The following LRP1 variants were observed in gnomAD, a reference collection of about 807,000 sequenced individuals.
LRP1 encodes the protein LDL receptor related protein 1, also known as prolow-density lipoprotein receptor-related protein 1.
A neutral mutation model predicts 541.5 loss-of-function variants in LRP1; 51 were observed. The observed-to-expected ratio is 0.09, with a 90% confidence interval of 0.08 to 0.12. The LOEUF (loss-of-function observed/expected upper bound fraction) is 0.12. Among genes scored for constraint, LRP1 ranks in the 10% least tolerant of loss-of-function variants. LRP1 has a pLI of 1.00. For missense variants in LRP1, 3,878 were observed against 6,376.2 expected (o/e 0.61, Z 13.34); for synonymous variants, 2,219 against 2,470.8 (o/e 0.90, Z 3.02).
At chr12:57,133,236 A>C (rs990832619) in intron 1 of LRP1, among the ~76,000 whole-genome samples, 5 of 151,508 alleles carry the variant, frequency 3.3e-5, no homozygotes, top group African/African-American at 1.2e-4. Flanking sequence ...GAGGAGGCTT[A>C]GAAATGCCTG....
In LRP1 at chr12:57,173,317, G is replaced by A. The variant is rs779702143; in HGVS notation, c.3313G>A (p.Asp1105Asn). 3.1e-6 allele frequency: 5 copies of A among 1,613,798 alleles called. No homozygotes were observed. Among genetic ancestry groups the A allele is most frequent in the African/African-American group, 2.7e-5 (2 of 74,930 alleles). Residue 1105 changes from aspartate (D) to asparagine (N), a missense_variant, in exon 21 of 89, where the codon GAT becomes AAT. Asp to Asn is a conservative substitution (Grantham distance 23, BLOSUM62 1). Around this residue, in one of 13 missense-constraint regions of LRP1, gnomAD observed 320 missense variants for 547.9 expected, o/e 0.58. Transcript: ENST00000243077. This position sits in a 1 kb window ranked among gnomAD's most constrained non-coding sequence, Gnocchi z 4.7. ...KSCEGVTHVC[D>N]PSVKFGCKDS... is the part of the protein sequence containing the mutation. ...CTGTGAGGGAGTGACCCACGTCTGC[G>A]ATCCCAGTGTCAAGTTTGGCTGCAA...
chr12:57,195,447 T>G lies in LRP1; in HGVS notation c.8437+48T>G, dbSNP rs777762207. 3 of 1,593,296 alleles carry G rather than the reference T, an allele frequency of 1.9e-6. No individual in the cohort carries two copies. In the South Asian group the frequency reaches 3.3e-5, roughly 18 times the overall value. On this transcript the variant is annotated intron_variant, in intron 52 of 88. Coordinates refer to ENST00000243077, the MANE Select transcript of LRP1 (RefSeq NM_002332.3). The stretch of plus-strand genomic sequence containing the variant: ...GCGGGTGGACAGCAAATGGCCACAG[T>G]CTCACTTTGCAGATGGGGAAGCCGG...
At position 57,128,770 on chromosome 12, in the gene LRP1, A is replaced by G. The variant is rs1337183887; in HGVS notation, c.-195A>G. On this transcript the variant is annotated 5_prime_UTR_variant, in exon 1 of 89. Coordinates refer to ENST00000243077, the MANE Select transcript of LRP1 (RefSeq NM_002332.3). ...TCGGGGCAGGGGGCGCACCCCCGTC[A>G]GCAGGCCCTCCCCAAGGGGCTCGGA... 2 of 465,576 alleles carry G rather than the reference A, an allele frequency of 4.3e-6. No homozygotes were observed. Among genetic ancestry groups the G allele is most frequent in the Non-Finnish European group, 7.7e-6 (2 of 258,082 alleles). The allele number at this position is 465,576 out of a possible 1,614,324, so 28.8% of individuals were successfully genotyped here.
chr12:57,136,170 A>G (rs753316210), intron 1 of LRP1, among the ~76,000 whole-genome samples: 2 of 152,122 alleles, frequency 1.3e-5, no homozygotes, highest in East Asian at 1.9e-4. Flanking sequence ...CAGTGGGGCA[A>G]TGAACTCAGC....
intron 6 of LRP1, among the ~76,000 whole-genome samples, chr12:57,146,091 C>A (rs1027079621): frequency 6.6e-6 from 1 of 152,120 alleles, no homozygotes; most frequent in African/African-American, 2.4e-5. Context: ...AGGCTTCTCC[C>A]TAGGCTACAC....
chr12:57,195,192 G>A lies in LRP1; in HGVS notation c.8309-79G>A, dbSNP rs1209408306. 9 of 1,572,020 alleles carry A rather than the reference G, an allele frequency of 5.7e-6. No homozygotes were observed. In the Admixed American group the frequency reaches 7.0e-5, roughly 12 times the overall value. On this transcript the variant is annotated intron_variant, in intron 51 of 88. Coordinates refer to ENST00000243077, the MANE Select transcript of LRP1 (RefSeq NM_002332.3). ...CCCACACACAGACACCCCTGCAGAC[G>A]ACGGCGAACCATCACCTCCACTGCT... is the stretch of plus-strand genomic sequence containing the variant.
intron 43 of LRP1, 145 bp from the exon 44 acceptor site, chr12:57,191,175 C>A: frequency 9.1e-7 from 1 of 1,099,160 alleles, no homozygotes; most frequent in Non-Finnish European, 1.3e-6. Flanking sequence ...CAGCTTGCTC[C>A]TCATCAGCTA....
intron 19 of LRP1, among the ~76,000 whole-genome samples, chr12:57,168,818 T>TC (rs1431222626): frequency 6.6e-6 from 1 of 151,986 alleles, no homozygotes; most frequent in African/African-American, 2.4e-5. Context: ...CCCCTGCCTT[T>TC]CCCCCAAAAG....
At position 57,159,949 on chromosome 12, in the gene LRP1, T is replaced by G; in HGVS notation, c.1923T>G (p.Thr641=). 6.2e-7 allele frequency: 1 copy of G among 1,614,108 alleles called. No homozygotes were observed. Among genetic ancestry groups the G allele is most frequent in the Non-Finnish European group, 8.5e-7 (1 of 1,180,010 alleles). ...RLEKAAQTRK[T]LIEGKMTHPR... ...AGAAAGCTGCTCAGACCCGCAAGACTTTAATCGAGGGCAAAATGACACACC... is the reference window on the plus strand; with the variant it reads ...AGAAAGCTGCTCAGACCCGCAAGACGTTAATCGAGGGCAAAATGACACACC... The change falls in exon 12 of 89, where the codon ACT becomes ACG. Residue 641 remains threonine, a synonymous_variant. Transcript: ENST00000243077.
chr12:57,173,292 C>G lies in LRP1; in HGVS notation c.3288C>G (p.Ser1096Arg), dbSNP rs35949701. ...TDCMDSSDEK[S>R]CEGVTHVCDP... is the part of the protein sequence containing the mutation. The stretch of plus-strand genomic sequence containing the variant: ...GCATGGACTCCAGCGATGAGAAGAG[C>G]TGTGAGGGAGTGACCCACGTCTGCG... The change falls in exon 21 of 89, where the codon AGC becomes AGG. Residue 1096 changes from serine (S) to arginine (R), a missense_variant. Coordinates refer to ENST00000243077, the MANE Select transcript of LRP1 (RefSeq NM_002332.3). This position sits in a 1 kb window ranked among gnomAD's most constrained non-coding sequence, Gnocchi z 4.7. 2 of 1,613,996 alleles carry G rather than the reference C, an allele frequency of 1.2e-6. No individual in the cohort carries two copies. The highest frequency in any genetic ancestry group is 8.5e-7 in the Non-Finnish European group (1 of 1,180,026).
At chr12:57,193,441 C>A in intron 46 of LRP1, 125 bp from the exon 47 acceptor site, 2 of 1,501,410 alleles carry the variant, frequency 1.3e-6, no homozygotes, top group Non-Finnish European at 1.8e-6. Context: ...AGGGCAGAAC[C>A]ACTGTTAGCC....
rs75827269 is a variant in LRP1, at chr12:57,152,601, C to T, written c.842-1607C>T. On this transcript the variant is annotated intron_variant, in intron 6 of 88. Coordinates refer to ENST00000243077, the MANE Select transcript of LRP1 (RefSeq NM_002332.3). ...GCACTAGGCCCTCTTCCTACAGGGC[C>T]TTGGCCTCCTCAAGCTACTCTTCCC... is the stretch of plus-strand genomic sequence containing the variant. 9.4e-3 allele frequency among the ~76,000 whole-genome samples: 1,431 copies of T among 152,294 alleles called. 14 individuals carry two copies. Among genetic ancestry groups the T allele is most frequent in the African/African-American group, 0.033 (1,377 of 41,546 alleles).
intron 46 of LRP1, 66 bp from the exon 47 acceptor site, chr12:57,193,500 C>T (rs1161632471): frequency 1.2e-5 from 19 of 1,581,424 alleles, no homozygotes; most frequent in Non-Finnish European, 1.5e-5. Context: ...ACGTGCATGA[C>T]GTCTCAGGGA....
Position 57,149,249 on chromosome 12 carries a change from G to A in LRP1, c.841+3759G>A, listed in dbSNP as rs1012292642. 4 of 437,892 alleles carry A rather than the reference G, an allele frequency of 9.1e-6. No homozygotes were observed. The Admixed American group carries it at 1.6e-4, about 17-fold the overall frequency. The allele number at this position is 437,892 out of a possible 1,614,324, so 27.1% of individuals were successfully genotyped here. A position where few individuals can be genotyped will look rare whatever the true frequency, so the allele number is the denominator to read the frequency against. Reference sequence around the variant, plus strand: ...GGGATGCCAGGCTGTTTGGGGAGGGGTGGCTCTAGCCACCCCACTCTTTGG... The same window carrying A: ...GGGATGCCAGGCTGTTTGGGGAGGGATGGCTCTAGCCACCCCACTCTTTGG... On this transcript the variant is annotated intron_variant, in intron 6 of 88. Coordinates refer to ENST00000243077, the MANE Select transcript of LRP1 (RefSeq NM_002332.3).
At chr12:57,202,834 C>A (rs901918103) in intron 68 of LRP1, 2 of 577,682 alleles carry the variant, frequency 3.5e-6, no homozygotes, top group African/African-American at 1.9e-5. Flanking sequence ...CATCCCTGTG[C>A]TGTGCCTCTA....
chr12:57,206,586 A>G lies in LRP1; in HGVS notation c.11704A>G (p.Ile3902Val). The stretch of plus-strand genomic sequence containing the variant: ...ATTCCAGGGTGACGAGAGTGTCCGC[A>G]TTGATGCTATGGATGTCCATGTCAA... ...QAFQGDESVR[I>V]DAMDVHVKAG... Residue 3902 changes from isoleucine (I) to valine (V), a missense_variant, in exon 76 of 89, where the codon ATT becomes GTT. Physicochemically the swap from Ile to Val is conservative, Grantham distance 29. This residue lies in a region of LRP1 where 871 missense variants were observed against 1,212.4 expected (regional missense o/e 0.72). Coordinates refer to ENST00000243077, the MANE Select transcript of LRP1 (RefSeq NM_002332.3). The surrounding 1 kb of genome is among the most constrained non-coding windows in gnomAD (Gnocchi z 4.7). The G allele has an allele frequency of 6.2e-7, 1 of 1,614,174 alleles. No homozygotes were observed. The highest frequency in any genetic ancestry group is 1.1e-5 in the South Asian group (1 of 91,084).
In LRP1 at chr12:57,177,175, A is replaced by T. The variant is rs759826329; in HGVS notation, c.4126A>T (p.Thr1376Ser). Residue 1376 changes from threonine to serine, a missense_variant, in exon 25 of 89, where the codon ACC becomes TCC. Physicochemically the swap from Thr to Ser is moderately conservative, Grantham distance 58 (BLOSUM62 1). Around this residue, in one of 13 missense-constraint regions of LRP1, gnomAD observed 24 missense variants for 109.1 expected, o/e 0.22. Coordinates refer to ENST00000243077, the MANE Select transcript of LRP1 (RefSeq NM_002332.3). The surrounding 1 kb of genome is among the most constrained non-coding windows in gnomAD (Gnocchi z 6.8). ...GATCGAGGTGGCCAAGCTGGATGGGACCCTCCGGACCACCCTGCTGGCCGG... is the reference window on the plus strand; with the variant it reads ...GATCGAGGTGGCCAAGCTGGATGGGTCCCTCCGGACCACCCTGCTGGCCGG... ...DQIEVAKLDG[T>S]LRTTLLAGDI... 7.4e-6 allele frequency: 12 copies of T among 1,613,998 alleles called. No individual in the cohort carries two copies. The East Asian group carries it at 2.7e-4, about 36-fold the overall frequency.
Position 57,158,381 on chromosome 12 carries a change from C to T in LRP1, c.1562-21C>T, listed in dbSNP as rs779975125. On this transcript the variant is annotated intron_variant, in intron 10 of 88. Transcript: ENST00000243077. This position sits in a 1 kb window ranked among gnomAD's most constrained non-coding sequence, Gnocchi z 5.3. The stretch of plus-strand genomic sequence containing the variant: ...TGGTCATGTGTGTGTCTGACTGTAC[C>T]CTGGCTTGTGCCTGCTCTAGAGCCG... The T allele has an allele frequency of 4.4e-6, 7 of 1,580,040 alleles. No individual in the cohort carries two copies. The highest frequency in any genetic ancestry group is 5.2e-6 in the Non-Finnish European group (6 of 1,157,070).
intron 2 of LRP1, among the ~76,000 whole-genome samples, chr12:57,140,101 C>T (rs2035256813): frequency 6.6e-6 from 1 of 152,100 alleles, no homozygotes. Flanking sequence ...TTGGCCACAA[C>T]CTTTTTTTTT....
Sources: gnomAD v4.1 joint callset for allele counts (sites outside exome capture counted in the v4.1 genomes callset) on GRCh38, gnomAD v4.1.1 for gene constraint, gnomAD v4.1.1 regional missense constraint, Gnocchi (gnomAD v3.1) non-coding constraint, MANE v1.5 for transcripts, NCBI Gene and HGNC (gene_info 2026-07-23, HGNC 2026-07-21) for gene names.